The following MAPKAPK2 variants were observed in gnomAD, a reference collection of about 807,000 sequenced individuals.
MAPKAPK2 encodes MAPK activated protein kinase 2, also known as MAP kinase-activated protein kinase 2.
In MAPKAPK2, 9 loss-of-function variants were observed where a neutral mutation model predicts 48.8. The ratio of observed to expected loss-of-function variants is 0.18; its 90% CI spans 0.11 to 0.32. The LOEUF is 0.32. MAPKAPK2 is among the 10% of genes least tolerant of loss of function. MAPKAPK2 has a pLI of 1.00. For missense variants in MAPKAPK2, 331 were observed against 498.3 expected (o/e 0.66, Z 3.20); for synonymous variants, 202 against 190.6 (o/e 1.06, Z -0.49).
intron 1 of MAPKAPK2, among the ~76,000 whole-genome samples, chr1:206,695,120 A>G (rs1672574699): frequency 6.8e-6 from 1 of 148,064 alleles, no homozygotes; most frequent in East Asian, 1.9e-4. Flanking sequence ...CCTGGGTCTC[A>G]GACTTTCCTG....
intron 1 of MAPKAPK2, among the ~76,000 whole-genome samples, chr1:206,707,309 G>A (rs1672995366): frequency 6.6e-6 from 1 of 152,046 alleles, no homozygotes; most frequent in Admixed American, 6.5e-5. Flanking sequence ...TCTCCCCCAT[G>A]GAGAATGGTG....
chr1:206,690,480 G>A (rs553079478), intron 1 of MAPKAPK2, among the ~76,000 whole-genome samples: 1 of 152,364 alleles, frequency 6.6e-6, no homozygotes, highest in East Asian at 1.9e-4. Context: ...ATTGGTGGGT[G>A]TCTAGGAAAC....
chr1:206,693,660 A>G (rs1481038485), intron 1 of MAPKAPK2, among the ~76,000 whole-genome samples: 3 of 152,192 alleles, frequency 2.0e-5, no homozygotes, highest in Non-Finnish European at 4.4e-5. Context: ...GAGTTACCAT[A>G]GTTATATGCT....
chr1:206,699,937 T>A (rs1461546042), intron 1 of MAPKAPK2, among the ~76,000 whole-genome samples: 1 of 151,604 alleles, frequency 6.6e-6, no homozygotes, highest in East Asian at 1.9e-4. Flanking sequence ...TCTTTTTCTT[T>A]TCTCCTTTCT....
chr1:206,722,771 A>G (rs1553431387), intron 1 of MAPKAPK2, among the ~76,000 whole-genome samples: 4 of 152,218 alleles, frequency 2.6e-5, no homozygotes, highest in South Asian at 4.1e-4. Context: ...GCACCTTGCT[A>G]AGAGGTTGCT....
intron 1 of MAPKAPK2, among the ~76,000 whole-genome samples, chr1:206,716,203 A>G (rs6680408): frequency 0.045 from 6,836 of 151,944 alleles, 348 homozygotes; most frequent in African/African-American, 0.12. Context: ...TGTGAGAGGT[A>G]ATGTAGAGTG....
At position 206,732,728 on chromosome 1, in the gene MAPKAPK2, C is replaced by T. The variant is rs1350702381; in HGVS notation, c.*10C>T. The stretch of plus-strand genomic sequence containing the variant: ...GGCTCTGGCCCACTGAGCCACCGCG[C>T]CCTCCTGCCCACGGGAGGACAAGCA... On this transcript the variant is annotated 3_prime_UTR_variant, in exon 10 of 10. Transcript: ENST00000367103. This position sits in a 1 kb window ranked among gnomAD's most constrained non-coding sequence, Gnocchi z 4.4. 5 of 1,613,950 alleles carry T rather than the reference C, an allele frequency of 3.1e-6. No homozygotes were observed. Among genetic ancestry groups the T allele is most frequent in the African/African-American group, 1.3e-5 (1 of 75,038 alleles).
In MAPKAPK2 at chr1:206,729,363, T is replaced by A. The variant is rs782159196; in HGVS notation, c.485-33T>A. 5.1e-6 allele frequency: 8 copies of A among 1,562,858 alleles called. No homozygotes were observed. In the South Asian group the frequency reaches 5.6e-5, roughly 11 times the overall value. On this transcript the variant is annotated intron_variant, in intron 3 of 9. Coordinates refer to ENST00000367103, the MANE Select transcript of MAPKAPK2 (RefSeq NM_032960.4). ...GCCTAATGATGTGTCTTTGTGACTTTCTTTCCCACTCACTCTTCCCTCCCC... is the reference window on the plus strand; with the variant it reads ...GCCTAATGATGTGTCTTTGTGACTTACTTTCCCACTCACTCTTCCCTCCCC...
intron 1 of MAPKAPK2, among the ~76,000 whole-genome samples, chr1:206,707,358 G>C (rs1572493397): frequency 6.6e-6 from 1 of 152,028 alleles, no homozygotes; most frequent in African/African-American, 2.4e-5. Context: ...TGGTTTGTGA[G>C]GTAATAGACT....
At chr1:206,727,765 T>G (rs192896998) in intron 1 of MAPKAPK2, among the ~76,000 whole-genome samples, 1,536 of 152,198 alleles carry the variant, frequency 0.01, 22 homozygotes, top group African/African-American at 0.036. Context: ...GGGGCTACAG[T>G]CGCCTGCCAC....
rs1003831824 is a variant in MAPKAPK2 at position 206,733,593 on chromosome 1, C to A, written c.*875C>A. On this transcript the variant is annotated 3_prime_UTR_variant, in exon 10 of 10. Transcript: ENST00000367103. ...AGACTGGACCCCCAGCCCCCAGGGC[C>A]CCCCTCCCCCCACTTAGTGCTGGTC... The A allele has an allele frequency of 4.6e-5, 7 of 152,588 alleles. No homozygotes were observed. Among genetic ancestry groups the A allele is most frequent in the African/African-American group, 1.2e-4 (5 of 41,450 alleles). The allele number at this position is 152,588 out of a possible 1,614,324, so 9.5% of individuals were successfully genotyped here. A position where few individuals can be genotyped will look rare whatever the true frequency, so the allele number is the denominator to read the frequency against.
chr1:206,730,171 G>T lies in MAPKAPK2; in HGVS notation c.691+73G>T, dbSNP rs1424054472. 17 of 1,579,380 alleles carry T rather than the reference G, an allele frequency of 1.1e-5. No individual in the cohort carries two copies. The Admixed American group carries it at 2.9e-4, about 27-fold the overall frequency. On this transcript the variant is annotated intron_variant, in intron 5 of 9. Coordinates refer to ENST00000367103, the MANE Select transcript of MAPKAPK2 (RefSeq NM_032960.4). ...CTCAGCCCCTCCTCTTGGCTATCTG[G>T]GGGGCCGCAAATCCTAGGAGAGTTG...
chr1:206,694,004 C>G (rs1672536802), intron 1 of MAPKAPK2, among the ~76,000 whole-genome samples: 1 of 152,180 alleles, frequency 6.6e-6, no homozygotes, highest in African/African-American at 2.4e-5. Context: ...GTGGCCTCTT[C>G]CTCTACTCCC....
chr1:206,702,163 A>G (rs1307536526), intron 1 of MAPKAPK2, among the ~76,000 whole-genome samples: 1 of 152,200 alleles, frequency 6.6e-6, no homozygotes, highest in African/African-American at 2.4e-5. Flanking sequence ...CCATTAAGGA[A>G]AAATTCGCTG....
rs1673831781 is a variant in MAPKAPK2, at chr1:206,729,591, A to G, written c.564+116A>G. On this transcript the variant is annotated intron_variant, in intron 4 of 9. Transcript: ENST00000367103. Reference sequence around the variant, plus strand: ...CGTCCTTGCTGCCTGGTTCCTGAGCATGCCATTCTCTGCCTTGTAGGGCCT... The same window carrying G: ...CGTCCTTGCTGCCTGGTTCCTGAGCGTGCCATTCTCTGCCTTGTAGGGCCT... 4 of 903,810 alleles carry G rather than the reference A, an allele frequency of 4.4e-6. No individual in the cohort carries two copies. In the Admixed American group the frequency reaches 7.5e-5, roughly 17 times the overall value. 56.0% of individuals were successfully genotyped at this position (903,810 alleles called of 1,614,324 possible).
chr1:206,688,707 G>GCAGTA (rs1558571213), intron 1 of MAPKAPK2, among the ~76,000 whole-genome samples: 3 of 152,054 alleles, frequency 2.0e-5, no homozygotes, highest in African/African-American at 4.8e-5. Context: ...GCACGATCTT[G>GCAGTA]GCTCACTGCA....
At position 206,732,191 on chromosome 1, in the gene MAPKAPK2, C is replaced by A; in HGVS notation, c.1059+272C>A. ...GACCTTAAAGACCATCTGGTATCATCTTCTCATTTTGCAGAAGAGAAACTG... is the reference window on the plus strand; with the variant it reads ...GACCTTAAAGACCATCTGGTATCATATTCTCATTTTGCAGAAGAGAAACTG... On this transcript the variant is annotated intron_variant, in intron 9 of 9. Coordinates refer to ENST00000367103, the MANE Select transcript of MAPKAPK2 (RefSeq NM_032960.4). This position sits in a 1 kb window ranked among gnomAD's most constrained non-coding sequence, Gnocchi z 4.4. 1 of 1,589,350 alleles carries A rather than the reference C, an allele frequency of 6.3e-7. No individual in the cohort carries two copies. Among genetic ancestry groups the A allele is most frequent in the Non-Finnish European group, 8.6e-7 (1 of 1,162,562 alleles).
Position 206,715,604 on chromosome 1 carries a change from G to T in MAPKAPK2, c.280-13106G>T, listed in dbSNP as rs192975702. ...CCTTGGTCTCAACATCTAAATATTGGTTTTTTTTTTCTTTTTCTTTCTTTC... is the reference window on the plus strand; with the variant it reads ...CCTTGGTCTCAACATCTAAATATTGTTTTTTTTTTTCTTTTTCTTTCTTTC... On this transcript the variant is annotated intron_variant, in intron 1 of 9. Coordinates refer to ENST00000367103, the MANE Select transcript of MAPKAPK2 (RefSeq NM_032960.4). Among the ~76,000 whole-genome samples, 521 of 144,318 alleles carry T rather than the reference G, an allele frequency of 3.6e-3. 1 individual carries two copies. Among genetic ancestry groups the T allele is most frequent in the African/African-American group, 8.6e-3 (340 of 39,370 alleles). The allele number at this position is 144,318 out of a possible 152,430, so 94.7% of individuals were successfully genotyped here. A position where few individuals can be genotyped will look rare whatever the true frequency, so the allele number is the denominator to read the frequency against.
At position 206,728,863 on chromosome 1, in the gene MAPKAPK2, G is replaced by A; in HGVS notation, c.419+14G>A. 1.2e-6 allele frequency: 2 copies of A among 1,613,806 alleles called. No individual in the cohort carries two copies. Among genetic ancestry groups the A allele is most frequent in the South Asian group, 1.1e-5 (1 of 91,016 alleles). On this transcript the variant is annotated intron_variant, in intron 2 of 9. Transcript: ENST00000367103. ...TGTCATGGAATGGTAAGCAGCCACT[G>A]TTCTAGTCCCGGCCCAGCCTGTTCC...
Sources: gnomAD v4.1 joint callset for allele counts (sites outside exome capture counted in the v4.1 genomes callset) on GRCh38, gnomAD v4.1.1 for gene constraint, Gnocchi (gnomAD v3.1) non-coding constraint, MANE v1.5 for transcripts, NCBI Gene and HGNC (gene_info 2026-07-23, HGNC 2026-07-21) for gene names.